The following SPTBN1 variants were observed in gnomAD, a reference collection of about 807,000 sequenced individuals.
The protein encoded by SPTBN1 is spectrin beta chain, non-erythrocytic 1.
Under a neutral mutation model 266.4 loss-of-function variants are expected in SPTBN1, and 32 were observed. The observed-to-expected ratio is 0.12, with a 90% CI of 0.09 to 0.16. The LOEUF (loss-of-function observed/expected upper bound fraction) is 0.16. Ranked by LOEUF, SPTBN1 falls within the 10% of genes least tolerant of loss-of-function variation. SPTBN1 has a pLI of 1.00. For missense variants in SPTBN1, 2,296 were observed against 3,067.1 expected (o/e 0.75, Z 5.94); for synonymous variants, 1,336 against 1,162.2 (o/e 1.15, Z -3.04).
chr2:54,521,768 GC>G (rs1558801297), intron 1 of SPTBN1, among the ~76,000 whole-genome samples: 1 of 151,720 alleles, frequency 6.6e-6, no homozygotes. Flanking sequence ...AAGTGATCTG[GC>G]CACCGTGGCC....
chr2:54,657,425 T>C (rs1680749685), intron 29 of SPTBN1, among the ~76,000 whole-genome samples: 1 of 152,216 alleles, frequency 6.6e-6, no homozygotes, highest in African/African-American at 2.4e-5. Flanking sequence ...CTGAGCAGTA[T>C]GATAGCTGCT....
At chr2:54,665,674 G>A (rs1681321160) in intron 33 of SPTBN1, among the ~76,000 whole-genome samples, 1 of 152,210 alleles carries the variant, frequency 6.6e-6, no homozygotes, top group Admixed American at 6.5e-5. Context: ...AAGTGAAAGA[G>A]AAGACATAGT....
intron 2 of SPTBN1, among the ~76,000 whole-genome samples, chr2:54,584,582 C>G (rs1212011290): frequency 6.6e-6 from 1 of 152,156 alleles, no homozygotes; most frequent in Non-Finnish European, 1.5e-5. Context: ...TCCCCTACTT[C>G]CACCTAGTCC....
rs751242185 is a variant in SPTBN1 at position 54,632,664 on chromosome 2, T to C, written c.3663T>C (p.Asn1221=). ...ACTTCATGACCACCATGGACGCCAA[T>C]GAGGAGAAGATCAATGCTGTGGTGG... ...QEDFMTTMDA[N]EEKINAVVET... is the part of the protein sequence containing the mutation. Residue 1221 remains asparagine, a synonymous_variant, in exon 17 of 36, where the codon AAT becomes AAC. Coordinates refer to ENST00000356805, the MANE Select transcript of SPTBN1 (RefSeq NM_003128.3). 8 of 1,614,114 alleles carry C rather than the reference T, an allele frequency of 5.0e-6. No homozygotes were observed. Among genetic ancestry groups the C allele is most frequent in the African/African-American group, 1.3e-5 (1 of 75,000 alleles).
intron 2 of SPTBN1, among the ~76,000 whole-genome samples, chr2:54,541,883 A>C (rs1671961004): frequency 6.6e-6 from 1 of 152,230 alleles, no homozygotes; most frequent in Non-Finnish European, 1.5e-5. Flanking sequence ...TTTAAATTTC[A>C]CAAAGTAGTG....
chr2:54,590,849 C>T (rs1316686824), intron 2 of SPTBN1, among the ~76,000 whole-genome samples: 2 of 152,150 alleles, frequency 1.3e-5, no homozygotes, highest in Non-Finnish European at 2.9e-5. Context: ...TTTGGACTGT[C>T]TTCTGGATAG....
intron 1 of SPTBN1, among the ~76,000 whole-genome samples, chr2:54,509,942 T>C (rs1450189410): frequency 7.2e-6 from 1 of 138,672 alleles, no homozygotes; most frequent in Non-Finnish European, 1.5e-5. Context: ...GTCTCTTTGT[T>C]CCTTGCTTTC....
At chr2:54,561,629 G>A (rs897352205) in intron 2 of SPTBN1, among the ~76,000 whole-genome samples, 2 of 146,308 alleles carry the variant, frequency 1.4e-5, no homozygotes, top group African/African-American at 5.5e-5. Context: ...ATTTTAAAAT[G>A]AGTCTGGTCT....
intron 2 of SPTBN1, among the ~76,000 whole-genome samples, chr2:54,577,867 G>T (rs1405519778): frequency 6.6e-6 from 1 of 152,206 alleles, no homozygotes; most frequent in East Asian, 1.9e-4. Context: ...CCTTGATTTA[G>T]TGAAAGCAGT....
intron 1 of SPTBN1, among the ~76,000 whole-genome samples, chr2:54,518,967 A>G (rs915869268): frequency 2.6e-5 from 4 of 152,230 alleles, no homozygotes; most frequent in Non-Finnish European, 5.9e-5. Context: ...TATTATGTGT[A>G]TGGAGAGGCA....
chr2:54,606,603 C>G (rs1326508529), intron 3 of SPTBN1, among the ~76,000 whole-genome samples: 1 of 152,130 alleles, frequency 6.6e-6, no homozygotes, highest in South Asian at 2.1e-4. Flanking sequence ...CAGAAACCAC[C>G]TGGATGTGAG....
At chr2:54,655,274 G>T in intron 28 of SPTBN1, 66 bp downstream of exon 28, 1 of 1,580,092 alleles carries the variant, frequency 6.3e-7, no homozygotes, top group Admixed American at 1.8e-5. Flanking sequence ...TGTTTTATAT[G>T]TTTGTGTGTG....
intron 12 of SPTBN1, among the ~76,000 whole-genome samples, chr2:54,627,670 A>G (rs1013659532): frequency 6.6e-6 from 1 of 152,160 alleles, no homozygotes; most frequent in Non-Finnish European, 1.5e-5. Context: ...GACCAAGTCT[A>G]TCACCTTTAT....
intron 1 of SPTBN1, among the ~76,000 whole-genome samples, chr2:54,525,408 G>C (rs1314790530): frequency 6.6e-6 from 1 of 152,136 alleles, no homozygotes; most frequent in Non-Finnish European, 1.5e-5. Context: ...ACCACGCCCA[G>C]CTAATTTTTT....
intron 7 of SPTBN1, among the ~76,000 whole-genome samples, chr2:54,619,951 G>A (rs1677884639): frequency 6.6e-6 from 1 of 152,178 alleles, no homozygotes; most frequent in African/African-American, 2.4e-5. Flanking sequence ...GAATGGGGGT[G>A]TATGTATGAA....
chr2:54,475,938 C>A (rs1330743106), intron 1 of SPTBN1, among the ~76,000 whole-genome samples: 1 of 152,162 alleles, frequency 6.6e-6, no homozygotes, highest in Non-Finnish European at 1.5e-5. Context: ...AAATGAGATT[C>A]TTTAGACCAA....
intron 3 of SPTBN1, among the ~76,000 whole-genome samples, chr2:54,605,252 A>G (rs1384093250): frequency 2.0e-5 from 3 of 152,202 alleles, no homozygotes; most frequent in Non-Finnish European, 4.4e-5. Context: ...CAGCCACCAG[A>G]TGGGAACCGA....
chr2:54,621,600 T>C, intron 8 of SPTBN1, 88 bp downstream of exon 8: 3 of 975,740 alleles, frequency 3.1e-6, no homozygotes, highest in Non-Finnish European at 4.9e-6. Flanking sequence ...AATTTGCCAA[T>C]AGCAATTTGT....
chr2:54,562,893 A>C (rs563487197), intron 2 of SPTBN1, among the ~76,000 whole-genome samples: 1 of 152,254 alleles, frequency 6.6e-6, no homozygotes, highest in Non-Finnish European at 1.5e-5. Flanking sequence ...CTATGCCTGC[A>C]TTCCAATTAT....
Sources: gnomAD v4.1 joint callset for allele counts (sites outside exome capture counted in the v4.1 genomes callset) on GRCh38, gnomAD v4.1.1 for gene constraint, MANE v1.5 for transcripts, NCBI Gene and HGNC (gene_info 2026-07-23, HGNC 2026-07-21) for gene names.